Variants in MTR observed in about 807,000 individuals in gnomAD.
MTR encodes methionine synthase.
In MTR, 84 loss-of-function variants were observed where a neutral mutation model predicts 154.8. The ratio of observed to expected loss-of-function variants is 0.54; its 90% CI spans 0.45 to 0.65. The LOEUF is 0.65. MTR is among the 30% of genes least tolerant of loss of function. The pLI, the probability that MTR is intolerant of heterozygous loss-of-function variation, is 0.00. For synonymous variants in MTR, 554 were observed against 553.9 expected (o/e 1.00, Z 0.00); for missense variants, 1,275 against 1,570.2 (o/e 0.81, Z 3.18).
At chr1:236,888,918 G>A (rs1449178757) in intron 27 of MTR, among the ~76,000 whole-genome samples, 1 of 152,196 alleles carries the variant, frequency 6.6e-6, no homozygotes, top group Non-Finnish European at 1.5e-5. Flanking sequence ...CTTGGGCAGG[G>A]GGTGGGGATG....
chr1:236,830,734 G>A (rs1404055082), intron 12 of MTR, among the ~76,000 whole-genome samples: 1 of 152,136 alleles, frequency 6.6e-6, no homozygotes, highest in African/African-American at 2.4e-5. Context: ...GACTAGGATC[G>A]GGCGTACCCT....
chr1:236,844,109 T>G (rs190453483), intron 15 of MTR, among the ~76,000 whole-genome samples: 2 of 152,184 alleles, frequency 1.3e-5, no homozygotes, highest in East Asian at 1.9e-4. Flanking sequence ...CAGAAGGATA[T>G]GAGAAGGAGC....
At chr1:236,804,360 A>T (rs759052160) in intron 2 of MTR, among the ~76,000 whole-genome samples, 7 of 152,248 alleles carry the variant, frequency 4.6e-5, no homozygotes, top group African/African-American at 1.7e-4. Context: ...GATGCTGTCT[A>T]TGAACTAGAA....
At chr1:236,857,352 C>G (rs1416406258) in intron 18 of MTR, among the ~76,000 whole-genome samples, 1 of 152,144 alleles carries the variant, frequency 6.6e-6, no homozygotes, top group Non-Finnish European at 1.5e-5. Context: ...GAGTCCAGGC[C>G]TCCATCAAGG....
chr1:236,795,838 C>A, intron 1 of MTR, 101 bp downstream of exon 1: 1 of 1,570,804 alleles, frequency 6.4e-7, no homozygotes. Context: ...GGGAGACGCC[C>A]GGCGGTGTTT....
intron 24 of MTR, among the ~76,000 whole-genome samples, chr1:236,878,264 C>A (rs1306727589): frequency 6.6e-6 from 1 of 152,222 alleles, no homozygotes; most frequent in East Asian, 1.9e-4. Context: ...GGAGAGCCAC[C>A]TTTGCTAGAA....
At chr1:236,844,467 TG>T (rs1663452176) in intron 15 of MTR, among the ~76,000 whole-genome samples, 2 of 24,920 alleles carry the variant, frequency 8.0e-5, no homozygotes, top group Admixed American at 8.2e-4. Flanking sequence ...TGTGTGTGTG[TG>T]TGTGTGTGTG....
Position 236,873,814 on chromosome 1 carries a change from T to C in MTR, c.2447T>C (p.Leu816Pro), listed in dbSNP as rs1328313900. Residue 816 changes from leucine to proline, a missense_variant, in exon 23 of 33, where the codon CTG becomes CCG. By Grantham distance (98) the Leu-to-Pro change is moderately conservative. Coordinates refer to ENST00000366577, the MANE Select transcript of MTR (RefSeq NM_000254.3). The part of the protein sequence containing the change: ...LGVMTPCDKI[L>P]KAALDHKADI... ...GTCATGACTCCATGTGATAAGATACTGAAAGCTGCTCTTGACCACAAAGCA... is the reference window on the plus strand; with the variant it reads ...GTCATGACTCCATGTGATAAGATACCGAAAGCTGCTCTTGACCACAAAGCA... 2 of 1,614,064 alleles carry C rather than the reference T, an allele frequency of 1.2e-6. No homozygotes were observed. Among genetic ancestry groups the C allele is most frequent in the Non-Finnish European group, 8.5e-7 (1 of 1,180,006 alleles).
At chr1:236,894,819 C>T (rs1666532011) in intron 30 of MTR, 7 of 521,274 alleles carry the variant, frequency 1.3e-5, no homozygotes, top group Non-Finnish European at 2.4e-5. Context: ...TTATCTCTAC[C>T]TTATCTCTGT....
At chr1:236,815,565 T>C in intron 6 of MTR, 39 bp from the exon 7 acceptor site, 1 of 1,607,278 alleles carries the variant, frequency 6.2e-7, no homozygotes, top group Non-Finnish European at 8.5e-7. Context: ...TTGGACACAC[T>C]CTCAGAAATA....
chr1:236,860,083 C>A (rs984942594), intron 19 of MTR, among the ~76,000 whole-genome samples, 161 bp downstream of exon 19: 3 of 93,900 alleles, frequency 3.2e-5, no homozygotes, highest in Non-Finnish European at 4.9e-5. Context: ...CCCCCCCCCC[C>A]CCCCCCCACC....
At chr1:236,816,037 A>G in intron 7 of MTR, among the ~76,000 whole-genome samples, 1 of 152,228 alleles carries the variant, frequency 6.6e-6, no homozygotes, top group East Asian at 1.9e-4. Flanking sequence ...CTCAGTAGGC[A>G]GACCTCTCTG....
intron 24 of MTR, among the ~76,000 whole-genome samples, chr1:236,877,571 T>C (rs1665500725): frequency 6.6e-6 from 1 of 152,188 alleles, no homozygotes; most frequent in Non-Finnish European, 1.5e-5. Flanking sequence ...AGTTGTTTGG[T>C]TTTTTGTTGG....
chr1:236,891,470 C>T lies in MTR; in HGVS notation c.3204+141C>T, dbSNP rs555861143. 93 of 912,360 alleles carry T rather than the reference C, an allele frequency of 1.0e-4. 1 individual carries two copies. In the East Asian group the frequency reaches 1.7e-3, roughly 17 times the overall value. The allele number at this position is 912,360 out of a possible 1,614,324, so 56.5% of individuals were successfully genotyped here. On this transcript the variant is annotated intron_variant, in intron 29 of 32. Transcript: ENST00000366577. ...CATGCCCAAGAAGTGACCAGTCACA[C>T]GCCCAAGCCCAAGCCATCTGTGAGG...
intron 14 of MTR, among the ~76,000 whole-genome samples, chr1:236,837,510 A>T (rs893593729): frequency 6.6e-6 from 1 of 152,060 alleles, no homozygotes; most frequent in Non-Finnish European, 1.5e-5. Flanking sequence ...ATCTTTATAA[A>T]CTCAGTGGAG....
At position 236,846,143 on chromosome 1, in the gene MTR, A is replaced by G. The variant is rs566216838; in HGVS notation, c.1516-4201A>G. 7.9e-5 allele frequency among the ~76,000 whole-genome samples: 12 copies of G among 152,312 alleles called. No individual in the cohort carries two copies. In the East Asian group the frequency reaches 1.7e-3, roughly 22 times the overall value. ...TGAAAGGCAACAAGAAAACATTTCT[A>G]TGTTTTTTGTTGTTGCTAATAGTTT... On this transcript the variant is annotated intron_variant, in intron 15 of 32. Coordinates refer to ENST00000366577, the MANE Select transcript of MTR (RefSeq NM_000254.3).
intron 11 of MTR, 131 bp downstream of exon 11, chr1:236,827,027 G>GT (rs1419704375): frequency 2.8e-5 from 23 of 807,174 alleles, no homozygotes; most frequent in Non-Finnish European, 2.1e-5. Context: ...AACCCCTACT[G>GT]TTTCAGAATG....
At chr1:236,883,563 G>T (rs1461087337) in intron 25 of MTR, among the ~76,000 whole-genome samples, 1 of 152,234 alleles carries the variant, frequency 6.6e-6, no homozygotes, top group Non-Finnish European at 1.5e-5. Flanking sequence ...ACACTTCAGG[G>T]AGTTCAGAGT....
At chr1:236,808,107 G>A (rs1661088328) in intron 3 of MTR, among the ~76,000 whole-genome samples, 1 of 152,180 alleles carries the variant, frequency 6.6e-6, no homozygotes, top group Non-Finnish European at 1.5e-5. Context: ...CTGTGGAAGA[G>A]CTTCTGGAGG....
Sources: allele counts gnomAD v4.1 joint callset (sites outside exome capture counted in the v4.1 genomes callset), GRCh38; gene constraint gnomAD v4.1.1; transcripts MANE v1.5; gene names NCBI Gene and HGNC (gene_info 2026-07-23, HGNC 2026-07-21).